The following ADGB variants were observed in gnomAD, a reference collection of about 807,000 sequenced individuals.
The protein encoded by ADGB is androglobin.
Under a neutral mutation model 210.5 loss-of-function variants are expected in ADGB, and 172 were observed. The ratio of observed to expected loss-of-function variants is 0.82; its 90% CI spans 0.72 to 0.93. The LOEUF (loss-of-function observed/expected upper bound fraction) is 0.93, where lower values mean the gene tolerates loss of function less well. ADGB is among the 40% of genes least tolerant of loss of function. The pLI, the probability that ADGB is intolerant of heterozygous loss-of-function variation, is 0.00. For missense variants in ADGB, 2,025 were observed against 1,964.8 expected, an observed-to-expected ratio of 1.03 and a Z score of -0.58; for synonymous variants, 658 against 662.7, an observed-to-expected ratio of 0.99 and a Z score of 0.11.
intron 33 of ADGB, among the ~76,000 whole-genome samples, chr6:146,799,151 C>G (rs1021395368): frequency 2.0e-5 from 3 of 150,360 alleles, no homozygotes; most frequent in African/African-American, 7.3e-5. Context: ...GATAAAGACT[C>G]TACAAAAAAA....
At chr6:146,814,511 A>G (rs1281649717) in intron 35 of ADGB, among the ~76,000 whole-genome samples, 1 of 152,210 alleles carries the variant, frequency 6.6e-6, no homozygotes, top group Non-Finnish European at 1.5e-5. Context: ...ATTTATAGCT[A>G]CATATAAGGC....
chr6:146,728,595 C>G lies in ADGB; in HGVS notation c.2374C>G (p.Gln792Glu), dbSNP rs1776933514. The change falls in exon 20 of 36, where the codon CAG (glutamine) becomes GAG (glutamate). Residue 792 changes from glutamine (Q) to glutamate (E), a missense_variant. By Grantham distance (29) the Gln-to-Glu change is conservative. Transcript: ENST00000397944. Reference protein sequence around the residue: ...FEPESCRFTEQSLLIMKAIGN... With the variant: ...FEPESCRFTEESLLIMKAIGN... ...ACAGGAGAGCTGCCGATTTACGGAA[C>G]AGTCTCTGTTGATTATGAAAGCTAT... is the stretch of plus-strand genomic sequence containing the variant. The G allele has an allele frequency of 1.3e-6, 2 of 1,551,368 alleles. No individual in the cohort carries two copies. The highest frequency in any genetic ancestry group is 1.7e-6 in the Non-Finnish European group (2 of 1,146,764).
At chr6:146,809,404 C>A (rs1411962743) in intron 35 of ADGB, among the ~76,000 whole-genome samples, 1 of 152,148 alleles carries the variant, frequency 6.6e-6, no homozygotes, top group Non-Finnish European at 1.5e-5. Context: ...GGGGGTTTCA[C>A]CAGGTCGACC....
intron 3 of ADGB, 139 bp downstream of exon 3, chr6:146,645,004 A>G (rs750889544): frequency 4.7e-4 from 216 of 458,216 alleles, no homozygotes; most frequent in Non-Finnish European, 6.9e-4. Flanking sequence ...CTTTTTGGCA[A>G]CTAATCAAAA....
chr6:146,646,469 G>T (rs1407263605), intron 3 of ADGB, among the ~76,000 whole-genome samples: 2 of 152,036 alleles, frequency 1.3e-5, no homozygotes, highest in African/African-American at 2.4e-5. Context: ...AAAAAGCAAG[G>T]TTACAAAACT....
At chr6:146,693,822 G>A (rs1240999520) in intron 12 of ADGB, among the ~76,000 whole-genome samples, 4 of 152,030 alleles carry the variant, frequency 2.6e-5, no homozygotes, top group South Asian at 2.1e-4. Context: ...TCTACCTTCC[G>A]CAAAACACTG....
At chr6:146,761,321 T>C (rs1430246897) in intron 27 of ADGB, among the ~76,000 whole-genome samples, 4 of 152,154 alleles carry the variant, frequency 2.6e-5, no homozygotes, top group African/African-American at 9.6e-5. Context: ...ATATACAGTT[T>C]TTCTGGCACT....
At chr6:146,650,066 A>G (rs1232960188) in intron 3 of ADGB, among the ~76,000 whole-genome samples, 3 of 152,198 alleles carry the variant, frequency 2.0e-5, no homozygotes, top group Non-Finnish European at 2.9e-5. Context: ...TATGAAAGAT[A>G]GCTGGATCCA....
intron 9 of ADGB, among the ~76,000 whole-genome samples, chr6:146,682,799 C>A (rs187386961): frequency 5.3e-5 from 8 of 152,224 alleles, no homozygotes; most frequent in African/African-American, 1.9e-4. Flanking sequence ...GCCCTTTAGA[C>A]CCTTTACAAA....
chr6:146,770,529 A>G (rs1333810333), intron 29 of ADGB: 2 of 464,742 alleles, frequency 4.3e-6, no homozygotes, highest in Non-Finnish European at 9.0e-6. Flanking sequence ...CGGTCTCATC[A>G]TTGCATCTCT....
chr6:146,651,256 A>C (rs1294361592), intron 3 of ADGB, among the ~76,000 whole-genome samples: 1 of 152,196 alleles, frequency 6.6e-6, no homozygotes, highest in Non-Finnish European at 1.5e-5. Context: ...TCCCTGGCAC[A>C]CTGCTGCAGG....
chr6:146,638,281 C>T (rs1775454478), intron 2 of ADGB, among the ~76,000 whole-genome samples: 1 of 151,940 alleles, frequency 6.6e-6, no homozygotes, highest in Non-Finnish European at 1.5e-5. Context: ...GAAGCTGATG[C>T]AAATCTGACT....
In ADGB at chr6:146,717,607, T is replaced by C. The variant is rs1188810376; in HGVS notation, c.1992+8T>C. 2 of 1,380,032 alleles carry C rather than the reference T, an allele frequency of 1.4e-6. No homozygotes were observed. Among genetic ancestry groups the C allele is most frequent in the Non-Finnish European group, 2.0e-6 (2 of 1,014,652 alleles). The allele number at this position is 1,380,032 out of a possible 1,614,324, so 85.5% of individuals were successfully genotyped here. The stretch of plus-strand genomic sequence containing the variant: ...CAAAAATCAGAATTTAAGGTAAGTA[T>C]GTTAGAATCTTTTCTATTCTCTTTA... On this transcript the variant is annotated splice_region_variant and intron_variant, in intron 16 of 35. Coordinates refer to ENST00000397944, the MANE Select transcript of ADGB (RefSeq NM_024694.4).
Position 146,814,334 on chromosome 6 carries a change from T to C in ADGB, c.4819-698T>C, listed in dbSNP as rs115421577. ...ATCTTTGAAACAGTAAGCAATTAATTTGGCCACTTCCCTTTTAAGAGACGA... is the reference window on the plus strand; with the variant it reads ...ATCTTTGAAACAGTAAGCAATTAATCTGGCCACTTCCCTTTTAAGAGACGA... On this transcript the variant is annotated intron_variant, in intron 35 of 35. Coordinates refer to ENST00000397944, the MANE Select transcript of ADGB (RefSeq NM_024694.4). Among the ~76,000 whole-genome samples the C allele has an allele frequency of 3.4e-3, 524 of 152,276 alleles. 3 individuals carry two copies. Among genetic ancestry groups the C allele is most frequent in the African/African-American group, 0.012 (499 of 41,562 alleles).
At chr6:146,670,636 A>G (rs186631820) in intron 7 of ADGB, among the ~76,000 whole-genome samples, 2 of 152,174 alleles carry the variant, frequency 1.3e-5, no homozygotes, top group Admixed American at 6.5e-5. Context: ...CATTTTCATC[A>G]TGGAAGTTAT....
At chr6:146,631,543 AGG>A (rs1781065904) in intron 1 of ADGB, among the ~76,000 whole-genome samples, 3 of 152,190 alleles carry the variant, frequency 2.0e-5, no homozygotes, top group African/African-American at 7.2e-5. Flanking sequence ...AGTTTCAATT[AGG>A]TATATCAGAA....
intron 1 of ADGB, among the ~76,000 whole-genome samples, chr6:146,633,102 A>G (rs1483430694): frequency 6.6e-6 from 1 of 152,084 alleles, no homozygotes; most frequent in Non-Finnish European, 1.5e-5. Context: ...TCTAAAGCAC[A>G]ATCTTATTTA....
At chr6:146,630,620 C>T (rs1271402251) in intron 1 of ADGB, among the ~76,000 whole-genome samples, 1 of 152,058 alleles carries the variant, frequency 6.6e-6, no homozygotes, top group African/African-American at 2.4e-5. Flanking sequence ...AATTGATGAT[C>T]AGAGTGCTAT....
At chr6:146,676,237 A>C in intron 8 of ADGB, 76 bp from the exon 9 acceptor site, 1 of 1,318,934 alleles carries the variant, frequency 7.6e-7, no homozygotes. Context: ...TTTTTTCTTT[A>C]AGACAATGAC....
Sources: gnomAD v4.1 joint callset for allele counts (sites outside exome capture counted in the v4.1 genomes callset) on GRCh38, gnomAD v4.1.1 for gene constraint, MANE v1.5 for transcripts, NCBI Gene and HGNC (gene_info 2026-07-23, HGNC 2026-07-21) for gene names.